The following IGFBP5 variants were observed in gnomAD, a reference collection of about 807,000 sequenced individuals.
The protein encoded by IGFBP5 is insulin like growth factor binding protein 5.
IGFBP5 carries 12 observed loss-of-function variants against 28.0 expected under a neutral mutation model. That is an observed-to-expected ratio of 0.43 (90% CI 0.27 to 0.69). The LOEUF (loss-of-function observed/expected upper bound fraction) is 0.69, where lower values mean the gene tolerates loss of function less well. Among genes scored for constraint, IGFBP5 ranks in the 30% least tolerant of loss-of-function variants. The pLI is 0.20. For synonymous variants in IGFBP5, 152 were observed against 150.2 expected, an observed-to-expected ratio of 1.01 and a Z score of -0.09; for missense variants, 344 against 381.6, an observed-to-expected ratio of 0.90 and a Z score of 0.82.
Position 216,694,801 on chromosome 2 carries a change from C to G in IGFBP5, c.-26G>C. The G allele has an allele frequency of 5.8e-6, 8 of 1,368,130 alleles. No homozygotes were observed. The highest frequency in any genetic ancestry group is 7.5e-6 in the Non-Finnish European group (8 of 1,060,584). The allele number at this position is 1,368,130 out of a possible 1,614,324, so 84.7% of individuals were successfully genotyped here. A position where few individuals can be genotyped will look rare whatever the true frequency, so the allele number is the denominator to read the frequency against. ...CTTCTCTTAGTCGCCCCCTTTACCT[C>G]GGGGTGGGGCAGGAGAGCGAGAGTG... On this transcript the variant is annotated 5_prime_UTR_variant, in exon 1 of 4. Transcript: ENST00000233813. This position sits in a 1 kb window ranked among gnomAD's most constrained non-coding sequence, Gnocchi z 5.2.
chr2:216,687,969 T>C (rs1047659737), intron 1 of IGFBP5, among the ~76,000 whole-genome samples: 2 of 152,190 alleles, frequency 1.3e-5, no homozygotes, highest in Non-Finnish European at 2.9e-5. Context: ...TCCCCTTTTT[T>C]GAGTCTTTGG....
intron 1 of IGFBP5, among the ~76,000 whole-genome samples, chr2:216,691,355 C>T (rs1689093284): frequency 6.6e-6 from 1 of 152,200 alleles, no homozygotes; most frequent in African/African-American, 2.4e-5. Flanking sequence ...GAGACCTACC[C>T]GAACCCCGGT....
rs1688897785 is a variant in IGFBP5, at chr2:216,676,380, T to C, written c.*371A>G. On this transcript the variant is annotated 3_prime_UTR_variant, in exon 4 of 4. Transcript: ENST00000233813. The stretch of plus-strand genomic sequence containing the variant: ...CCCTGCCTGGTCTCGGTGCATGTCC[T>C]TCCTGCCCACCTGCTTGTCTTCCTT... 1 of 178,722 alleles carries C rather than the reference T, an allele frequency of 5.6e-6. No individual in the cohort carries two copies. 11.1% of individuals were successfully genotyped at this position (178,722 alleles called of 1,614,324 possible).
Position 216,679,121 on chromosome 2 carries a change from G to T in IGFBP5, c.338-42C>A, listed in dbSNP as rs1352689387. 6.5e-7 allele frequency: 1 copy of T among 1,543,498 alleles called. No homozygotes were observed. Among genetic ancestry groups the T allele is most frequent in the South Asian group, 1.1e-5 (1 of 89,560 alleles). ...CGGAGGGTCAGCCCCCGTGGGCCAA[G>T]GTGCACACGGCCAGAGCCCAGGGCT... On this transcript the variant is annotated intron_variant, in intron 1 of 3. Coordinates refer to ENST00000233813, the MANE Select transcript of IGFBP5 (RefSeq NM_000599.4). The surrounding 1 kb of genome is among the most constrained non-coding windows in gnomAD (Gnocchi z 4.6).
chr2:216,688,467 A>C (rs1416241487), intron 1 of IGFBP5, among the ~76,000 whole-genome samples: 1 of 152,126 alleles, frequency 6.6e-6, no homozygotes, highest in Admixed American at 6.5e-5. Context: ...TGTTTTTTTT[A>C]CCTTTTTAAA....
At chr2:216,678,271 G>T in intron 2 of IGFBP5, 40 bp from the exon 3 acceptor site, 1 of 1,480,518 alleles carries the variant, frequency 6.8e-7, no homozygotes, top group Non-Finnish European at 9.0e-7. Flanking sequence ...CGAGACCAAG[G>T]GAAAACCACC....
intron 1 of IGFBP5, among the ~76,000 whole-genome samples, chr2:216,691,899 A>G (rs1413068368): frequency 6.4e-4 from 38 of 59,398 alleles, no homozygotes; most frequent in African/African-American, 1.2e-3. Flanking sequence ...TGCGGGAGGG[A>G]GGGGGCAAAT....
At position 216,692,362 on chromosome 2, in the gene IGFBP5, C is replaced by CGTGTGTGT. The variant is rs59144401; in HGVS notation, c.337+2069_337+2076dup. Among the ~76,000 whole-genome samples the CGTGTGTGT allele has an allele frequency of 0.067, 9,544 of 142,394 alleles. 391 individuals carry two copies. The highest frequency in any genetic ancestry group is 0.15 in the Middle Eastern group (41 of 278). The allele number at this position is 142,394 out of a possible 152,430, so 93.4% of individuals were successfully genotyped here. A position where few individuals can be genotyped will look rare whatever the true frequency, so the allele number is the denominator to read the frequency against. On this transcript the variant is annotated intron_variant, in intron 1 of 3. Transcript: ENST00000233813. This position sits in a 1 kb window ranked among gnomAD's most constrained non-coding sequence, Gnocchi z 4.2. ...GGGATCTTGCTTGGGACTGAAGTGT[C>CGTGTGTGT]GTGTGTGTGTGTGTGTGTGTGTGTG...
rs1417711659 is a variant in IGFBP5 at position 216,692,045 on chromosome 2, A to C, written c.337+2394T>G. ...TCTGTCCATTTCTCTCTCCTTAAGA[A>C]CGGTCTCTACACCATCTCCAACTTT... On this transcript the variant is annotated intron_variant, in intron 1 of 3. Coordinates refer to ENST00000233813, the MANE Select transcript of IGFBP5 (RefSeq NM_000599.4). The surrounding 1 kb of genome is among the most constrained non-coding windows in gnomAD (Gnocchi z 4.2). Among the ~76,000 whole-genome samples, 1 of 151,710 alleles carries C rather than the reference A, an allele frequency of 6.6e-6. No individual in the cohort carries two copies. The highest frequency in any genetic ancestry group is 1.5e-5 in the Non-Finnish European group (1 of 67,928).
chr2:216,689,405 C>T (rs1689067847), intron 1 of IGFBP5, among the ~76,000 whole-genome samples: 1 of 152,196 alleles, frequency 6.6e-6, no homozygotes, highest in Admixed American at 6.5e-5. Flanking sequence ...GAAAAAGGGA[C>T]AGAAGTGAGT....
At position 216,695,122 on chromosome 2, in the gene IGFBP5, G is replaced by GT. The variant is rs1224949965; in HGVS notation, c.-348_-347insA. The GT allele has an allele frequency of 4.9e-6, 1 of 204,802 alleles. No individual in the cohort carries two copies. The highest frequency in any genetic ancestry group is 1.0e-4 in the East Asian group (1 of 9,872). The allele number at this position is 204,802 out of a possible 1,614,324, so 12.7% of individuals were successfully genotyped here. A position where few individuals can be genotyped will look rare whatever the true frequency, so the allele number is the denominator to read the frequency against. On this transcript the variant is annotated 5_prime_UTR_variant, in exon 1 of 4. Transcript: ENST00000233813. ...AAGCCACAAAATTGTTCACCCCCAA[G>GT]CAACCACCGAAATAATGAGATCGGA...
chr2:216,677,248 G>A (rs542518219), intron 3 of IGFBP5, among the ~76,000 whole-genome samples: 4 of 151,984 alleles, frequency 2.6e-5, no homozygotes, highest in Admixed American at 6.6e-5. Context: ...TTATAGTCCC[G>A]TTTTAAATAT....
At chr2:216,691,836 CGTGTGTGTGTGTGTGTGTGT>C (rs56040272) in intron 1 of IGFBP5, among the ~76,000 whole-genome samples, 46 of 121,222 alleles carry the variant, frequency 3.8e-4, no homozygotes, top group African/African-American at 9.8e-4. Flanking sequence ...TATAATATGT[CGTGTGTGTGTGTGTGTGTGT>C]GTGTGTGTGT....
At position 216,676,543 on chromosome 2, in the gene IGFBP5, T is replaced by C; in HGVS notation, c.*208A>G. The C allele has an allele frequency of 2.7e-6, 1 of 373,782 alleles. No homozygotes were observed. Among genetic ancestry groups the C allele is most frequent in the Admixed American group, 4.5e-5 (1 of 22,200 alleles). 23.2% of individuals were successfully genotyped at this position (373,782 alleles called of 1,614,324 possible). ...AAACCATTTAAAGGGGGGGGGTGTC[T>C]TTTTAGCTTTTTGCATCTCTGTTGT... is the stretch of plus-strand genomic sequence containing the variant. On this transcript the variant is annotated 3_prime_UTR_variant, in exon 4 of 4. Transcript: ENST00000233813.
chr2:216,694,863 TTTTG>T lies in IGFBP5; in HGVS notation c.-92_-89del. On this transcript the variant is annotated 5_prime_UTR_variant, in exon 1 of 4. Coordinates refer to ENST00000233813, the MANE Select transcript of IGFBP5 (RefSeq NM_000599.4). The surrounding 1 kb of genome is among the most constrained non-coding windows in gnomAD (Gnocchi z 5.2). ...GGGCCAAGAGGGCCCCCGGAGATTT[TTTTG>T]TTTTTGTTTTTGTTTTAAAATTTCT... The T allele has an allele frequency of 2.3e-6, 2 of 876,432 alleles. No homozygotes were observed. Among genetic ancestry groups the T allele is most frequent in the South Asian group, 4.2e-5 (1 of 23,850 alleles). 54.3% of individuals were successfully genotyped at this position (876,432 alleles called of 1,614,324 possible). A position where few individuals can be genotyped will look rare whatever the true frequency, so the allele number is the denominator to read the frequency against.
intron 1 of IGFBP5, among the ~76,000 whole-genome samples, chr2:216,682,853 C>T (rs891076858): frequency 1.1e-4 from 17 of 151,970 alleles, no homozygotes; most frequent in Admixed American, 7.9e-4. Context: ...GGACTACAGG[C>T]GCCCGCCACC....
chr2:216,679,009 G>C lies in IGFBP5; in HGVS notation c.408C>G (p.Ile136Met). 1 of 1,614,154 alleles carries C rather than the reference G, an allele frequency of 6.2e-7. No homozygotes were observed. ...EMAEETYSPKIFRPKHTRISE... is the reference protein window; with the variant it reads ...EMAEETYSPKMFRPKHTRISE... ...AGATGCGGGTGTGTTTGGGCCGGAA[G>C]ATCTTGGGGGAGTAGGTCTCCTCGG... The change falls in exon 2 of 4, where the codon ATC becomes ATG. Residue 136 changes from isoleucine to methionine, a missense_variant. Transcript: ENST00000233813. This position sits in a 1 kb window ranked among gnomAD's most constrained non-coding sequence, Gnocchi z 4.6.
chr2:216,683,283 G>C (rs1689000563), intron 1 of IGFBP5, among the ~76,000 whole-genome samples: 1 of 152,170 alleles, frequency 6.6e-6, no homozygotes, highest in Admixed American at 6.5e-5. Flanking sequence ...TTGGAGATTG[G>C]AGGTTGAGGC....
At chr2:216,685,055 G>T (rs1302501672) in intron 1 of IGFBP5, among the ~76,000 whole-genome samples, 2 of 152,136 alleles carry the variant, frequency 1.3e-5, no homozygotes, top group East Asian at 3.9e-4. Flanking sequence ...AGGCCAAGGA[G>T]GTTGGATCAC....
Sources: allele counts gnomAD v4.1 joint callset (sites outside exome capture counted in the v4.1 genomes callset), GRCh38; gene constraint gnomAD v4.1.1; non-coding constraint Gnocchi (gnomAD v3.1); transcripts MANE v1.5; gene names NCBI Gene and HGNC (gene_info 2026-07-23, HGNC 2026-07-21).